QPCT: variants seen among roughly 807,000 people sequenced by gnomAD.
The protein encoded by QPCT is glutaminyl-peptide cyclotransferase.
A neutral mutation model predicts 43.4 loss-of-function variants in QPCT; 44 were observed. The observed-to-expected ratio is 1.01, with a 90% CI of 0.80 to 1.30. The LOEUF (loss-of-function observed/expected upper bound fraction) is 1.30, where lower values mean the gene tolerates loss of function less well. QPCT is among the 50% of genes most tolerant of loss of function. QPCT has a pLI of 0.00. For synonymous variants in QPCT, 168 were observed against 168.4 expected (o/e 1.00, Z 0.02); for missense variants, 526 against 436.5 (o/e 1.21, Z -1.83).
chr2:37,355,831 G>A (rs1205540632), intron 2 of QPCT, among the ~76,000 whole-genome samples: 1 of 152,090 alleles, frequency 6.6e-6, no homozygotes, highest in Admixed American at 6.5e-5. Context: ...GTCTAAAAGA[G>A]GCAAACTAGA....
chr2:37,347,183 T>TATATATATAACATATATATAAC (rs1286334821), intron 1 of QPCT, among the ~76,000 whole-genome samples: 1 of 56,942 alleles, frequency 1.8e-5, no homozygotes, highest in African/African-American at 8.3e-5. Flanking sequence ...ATATATAACA[T>TATATATATAACATATATATAAC]ATATATATAA....
At chr2:37,361,086 T>G (rs1672850201) in intron 3 of QPCT, among the ~76,000 whole-genome samples, 1 of 152,076 alleles carries the variant, frequency 6.6e-6, no homozygotes, top group Non-Finnish European at 1.5e-5. Context: ...ATTAAAAAAA[T>G]TTGAATCAAC....
At chr2:37,349,961 A>G (rs1484353283) in intron 1 of QPCT, among the ~76,000 whole-genome samples, 1 of 152,214 alleles carries the variant, frequency 6.6e-6, no homozygotes, top group East Asian at 1.9e-4. Context: ...AAGATGAACC[A>G]GGCCCTGTGT....
At chr2:37,360,613 G>C (rs1301377246) in intron 3 of QPCT, among the ~76,000 whole-genome samples, 1 of 152,136 alleles carries the variant, frequency 6.6e-6, no homozygotes, top group Non-Finnish European at 1.5e-5. Flanking sequence ...CTTTATGAAG[G>C]GTCCAGCCTT....
intron 1 of QPCT, among the ~76,000 whole-genome samples, chr2:37,350,012 G>C (rs1040287240): frequency 2.0e-5 from 3 of 152,150 alleles, no homozygotes; most frequent in African/African-American, 7.2e-5. Context: ...GAGAGAGAGG[G>C]AGTTCCAGCC....
chr2:37,356,574 G>C (rs1356566667), intron 2 of QPCT, among the ~76,000 whole-genome samples: 1 of 152,132 alleles, frequency 6.6e-6, no homozygotes, highest in African/African-American at 2.4e-5. Flanking sequence ...CTTCTGGTGG[G>C]GACTTGTAGA....
chr2:37,345,273 G>GC (rs1052556367), intron 1 of QPCT, among the ~76,000 whole-genome samples: 12 of 151,166 alleles, frequency 7.9e-5, no homozygotes, highest in South Asian at 2.1e-4. Context: ...TGTGCCCACA[G>GC]CCCCCCCGCT....
chr2:37,346,360 C>T (rs765636717), intron 1 of QPCT, among the ~76,000 whole-genome samples: 1 of 152,228 alleles, frequency 6.6e-6, no homozygotes, highest in South Asian at 2.1e-4. Context: ...CTCTCCTTCT[C>T]TTCACTGAGA....
At chr2:37,368,769 T>C (rs1425412744) in intron 4 of QPCT, 3 of 459,366 alleles carry the variant, frequency 6.5e-6, no homozygotes, top group African/African-American at 2.0e-5. Context: ...TATTTATTTA[T>C]CAGTCCAAAT....
chr2:37,368,859 C>T (rs184547793), intron 4 of QPCT, among the ~76,000 whole-genome samples: 1 of 152,202 alleles, frequency 6.6e-6, no homozygotes, highest in East Asian at 1.9e-4. Context: ...CAGAAACAAA[C>T]CCTTAATAGA....
At chr2:37,359,917 G>A in intron 3 of QPCT, 59 bp downstream of exon 3, 1 of 1,522,970 alleles carries the variant, frequency 6.6e-7, no homozygotes, top group South Asian at 1.2e-5. Context: ...AACTCAGAGT[G>A]AATTCTAGAA....
chr2:37,351,981 A>G (rs1291141332), intron 1 of QPCT, among the ~76,000 whole-genome samples: 5 of 151,412 alleles, frequency 3.3e-5, no homozygotes, highest in African/African-American at 1.2e-4. Flanking sequence ...AGTGAGCCAG[A>G]TTGCACCACT....
chr2:37,366,907 C>T lies in QPCT; in HGVS notation c.547-325C>T, dbSNP rs1672975227. ...TCCAGCAGCTGAGGCAACACACCCTCCTGTATGGGAAGTGGGTGGTGTATC... is the reference window on the plus strand; with the variant it reads ...TCCAGCAGCTGAGGCAACACACCCTTCTGTATGGGAAGTGGGTGGTGTATC... On this transcript the variant is annotated intron_variant, in intron 3 of 6. Transcript: ENST00000338415. Among the ~76,000 whole-genome samples the T allele has an allele frequency of 4.6e-5, 7 of 152,218 alleles. 1 individual carries two copies. In the South Asian group the frequency reaches 1.4e-3, roughly 31 times the overall value.
intron 2 of QPCT, among the ~76,000 whole-genome samples, chr2:37,353,566 G>C (rs1205647753): frequency 2.0e-5 from 3 of 152,114 alleles, no homozygotes; most frequent in Non-Finnish European, 4.4e-5. Context: ...CTTAAAAAAT[G>C]CTGGTCATAA....
intron 4 of QPCT, among the ~76,000 whole-genome samples, chr2:37,367,904 G>A (rs959258459): frequency 5.3e-5 from 8 of 152,076 alleles, no homozygotes; most frequent in Non-Finnish European, 1.2e-4. Context: ...CTGGTTAGAA[G>A]CCATGTTTGA....
rs1673035158 is a variant in QPCT at position 37,369,742 on chromosome 2, T to A, written c.781T>A (p.Phe261Ile). 2.5e-6 allele frequency: 4 copies of A among 1,609,016 alleles called. No individual in the cohort carries two copies. Among genetic ancestry groups the A allele is most frequent in the Non-Finnish European group, 3.4e-6 (4 of 1,175,392 alleles). The change falls in exon 5 of 7, where the codon TTT becomes ATT. Residue 261 changes from phenylalanine (F) to isoleucine (I), a missense_variant. Transcript: ENST00000338415. ...TCCAAACCCAACGTTTCCCAATTTT[T>A]TTCCAAACTCAGCCAGGTGGTTCGA... is the stretch of plus-strand genomic sequence containing the variant. ...GAPNPTFPNFFPNSARWFERL... is the reference protein window; with the variant it reads ...GAPNPTFPNFIPNSARWFERL...
rs1164499455 is a variant in QPCT, at chr2:37,373,273, A to G, written c.*446A>G. On this transcript the variant is annotated 3_prime_UTR_variant, in exon 7 of 7. Coordinates refer to ENST00000338415, the MANE Select transcript of QPCT (RefSeq NM_012413.4). ...TGAAGGCGGTCAGATTTCTTTGAGA[A>G]ATCTTTGTAGAGTTAATTTTATGGA... 6.6e-6 allele frequency: 1 copy of G among 152,310 alleles called. No homozygotes were observed. The highest frequency in any genetic ancestry group is 1.5e-5 in the Non-Finnish European group (1 of 68,146). 9.4% of individuals were successfully genotyped at this position (152,310 alleles called of 1,614,324 possible). A position where few individuals can be genotyped will look rare whatever the true frequency, so the allele number is the denominator to read the frequency against.
chr2:37,367,694 G>T (rs1672989107), intron 4 of QPCT, among the ~76,000 whole-genome samples: 2 of 151,856 alleles, frequency 1.3e-5, no homozygotes, highest in South Asian at 4.2e-4. Flanking sequence ...CAACATAAGG[G>T]GACTTCGTCT....
At chr2:37,348,063 C>CGTGTGTGT (rs10598967) in intron 1 of QPCT, among the ~76,000 whole-genome samples, 67 of 148,486 alleles carry the variant, frequency 4.5e-4, no homozygotes, top group African/African-American at 1.6e-3. Context: ...CGCGCGCACG[C>CGTGTGTGT]GTGTGTGTGT....
Sources: allele counts gnomAD v4.1 joint callset (sites outside exome capture counted in the v4.1 genomes callset), GRCh38; gene constraint gnomAD v4.1.1; transcripts MANE v1.5; gene names NCBI Gene and HGNC (gene_info 2026-07-23, HGNC 2026-07-21).